Variants in CEP112 observed in about 807,000 individuals in gnomAD.
CEP112 encodes centrosomal protein of 112 kDa.
A neutral mutation model predicts 153.0 loss-of-function variants in CEP112; 127 were observed. The observed-to-expected ratio is 0.83, with a 90% confidence interval of 0.72 to 0.96. The LOEUF is 0.96. Ranked by LOEUF, CEP112 falls within the 40% of genes least tolerant of loss-of-function variation. The pLI is 0.00. For missense variants in CEP112, 1,089 were observed against 1,101.2 expected (o/e 0.99, Z 0.16); for synonymous variants, 358 against 374.4 (o/e 0.96, Z 0.51).
At chr17:66,080,051 A>T (rs2067657351) in intron 8 of CEP112, among the ~76,000 whole-genome samples, 1 of 152,226 alleles carries the variant, frequency 6.6e-6, no homozygotes, top group African/African-American at 2.4e-5. Context: ...AAAACCATAA[A>T]AACCCTAGAA....
intron 21 of CEP112, among the ~76,000 whole-genome samples, chr17:65,783,370 A>G (rs2054102532): frequency 6.6e-6 from 1 of 152,194 alleles, no homozygotes; most frequent in African/African-American, 2.4e-5. Context: ...TGTTGTAGAA[A>G]ACAGTTTGGA....
In CEP112 at chr17:66,163,388, C is replaced by T. The variant is rs147699009; in HGVS notation, c.470+11656G>A. Among the ~76,000 whole-genome samples, 761 of 152,208 alleles carry T rather than the reference C, an allele frequency of 5.0e-3. 8 individuals are homozygous for T. Among genetic ancestry groups the T allele is most frequent in the African/African-American group, 0.017 (720 of 41,524 alleles). ...AGCAGGTAATATTGTTATATACCAT[C>T]TGCAGAACAGTCTTCTTTGGGTATA... On this transcript the variant is annotated intron_variant, in intron 4 of 26. Coordinates refer to ENST00000535342, the MANE Select transcript of CEP112 (RefSeq NM_001199165.4).
At chr17:66,130,819 C>A (rs1413658916) in intron 5 of CEP112, among the ~76,000 whole-genome samples, 4 of 150,046 alleles carry the variant, frequency 2.7e-5, no homozygotes, top group Non-Finnish European at 4.4e-5. Flanking sequence ...TGATTCTTCA[C>A]TTTTTAAAAC....
chr17:65,953,391 T>C (rs183516608), intron 18 of CEP112, among the ~76,000 whole-genome samples: 89 of 152,298 alleles, frequency 5.8e-4, no homozygotes, highest in African/African-American at 2.1e-3. Context: ...GAGACTCACA[T>C]CGTGAACTTT....
intron 23 of CEP112, among the ~76,000 whole-genome samples, chr17:65,690,262 T>C (rs986801136): frequency 5.3e-5 from 8 of 151,596 alleles, no homozygotes; most frequent in Admixed American, 1.3e-4. Context: ...TTTTCTACAA[T>C]TTTTTAAAAT....
chr17:65,937,570 G>A (rs1455495511), intron 18 of CEP112, among the ~76,000 whole-genome samples: 5 of 110,418 alleles, frequency 4.5e-5, no homozygotes, highest in Admixed American at 1.1e-4. Flanking sequence ...GGGAGGTGGG[G>A]GGGGTCAGCC....
rs193171425 is a variant in CEP112 at position 66,109,045 on chromosome 17, T to C, written c.643-12413A>G. The stretch of plus-strand genomic sequence containing the variant: ...GACAAACTTGACATGTTCTCAATTA[T>C]TTGTGGGAGTTAAAAATTAAAACAG... On this transcript the variant is annotated intron_variant, in intron 6 of 26. Coordinates refer to ENST00000535342, the MANE Select transcript of CEP112 (RefSeq NM_001199165.4). 4.2e-3 allele frequency among the ~76,000 whole-genome samples: 642 copies of C among 152,286 alleles called. 13 individuals are homozygous for C. Among genetic ancestry groups the C allele is most frequent in the Admixed American group, 0.037 (562 of 15,288 alleles).
chr17:65,795,558 T>C (rs1288982480), intron 21 of CEP112, among the ~76,000 whole-genome samples: 1 of 152,212 alleles, frequency 6.6e-6, no homozygotes, highest in Non-Finnish European at 1.5e-5. Context: ...ATGCCTGTAA[T>C]TCCAGCAGTT....
chr17:66,068,578 G>T (rs986611665), intron 9 of CEP112, among the ~76,000 whole-genome samples: 6 of 152,106 alleles, frequency 3.9e-5, no homozygotes, highest in African/African-American at 1.4e-4. Flanking sequence ...GTAAACTGAT[G>T]AATATACTTT....
intron 16 of CEP112, among the ~76,000 whole-genome samples, chr17:66,012,560 A>G (rs1188277718): frequency 1.3e-5 from 2 of 152,116 alleles, no homozygotes; most frequent in African/African-American, 4.8e-5. Context: ...TAGGCCCCCA[A>G]TGTCTTCTGA....
At chr17:65,728,483 G>T (rs980091423) in intron 23 of CEP112, among the ~76,000 whole-genome samples, 1 of 152,092 alleles carries the variant, frequency 6.6e-6, no homozygotes, top group Admixed American at 6.6e-5. Context: ...CTGCTTGTTG[G>T]GCTTAGCTAT....
intron 4 of CEP112, among the ~76,000 whole-genome samples, chr17:66,153,325 T>C (rs2071286596): frequency 6.6e-6 from 1 of 152,070 alleles, no homozygotes; most frequent in African/African-American, 2.4e-5. Flanking sequence ...AAATGTGGTA[T>C]ACTCATCAAT....
chr17:66,135,969 T>C (rs1466075863), intron 4 of CEP112, among the ~76,000 whole-genome samples: 1 of 152,146 alleles, frequency 6.6e-6, no homozygotes, highest in Admixed American at 6.5e-5. Flanking sequence ...CTTCTCTCAA[T>C]GGACACATAA....
At chr17:65,921,648 GT>G (rs1339041912) in intron 19 of CEP112, among the ~76,000 whole-genome samples, 1 of 151,880 alleles carries the variant, frequency 6.6e-6, no homozygotes, top group East Asian at 1.9e-4. Context: ...GCTTGTGTGT[GT>G]TTTTACATTC....
intron 22 of CEP112, among the ~76,000 whole-genome samples, chr17:65,744,181 T>C (rs1475410072): frequency 6.6e-6 from 1 of 152,194 alleles, no homozygotes; most frequent in Non-Finnish European, 1.5e-5. Flanking sequence ...GTCAGACCAA[T>C]CACTGCACTA....
intron 24 of CEP112, among the ~76,000 whole-genome samples, chr17:65,641,278 C>G (rs778257993): frequency 1.3e-5 from 2 of 152,168 alleles, no homozygotes; most frequent in Non-Finnish European, 2.9e-5. Context: ...GTCCCTGTAA[C>G]AATGCTTTAT....
intron 11 of CEP112, among the ~76,000 whole-genome samples, chr17:66,056,014 G>A (rs11079638): frequency 0.41 from 62,510 of 152,024 alleles, 14,324 homozygotes; most frequent in East Asian, 0.87. Flanking sequence ...AAGGGCAAAC[G>A]TTCCTTTAAG....
intron 20 of CEP112, among the ~76,000 whole-genome samples, chr17:65,861,816 A>C (rs1290322938): frequency 6.6e-6 from 1 of 152,162 alleles, no homozygotes; most frequent in Non-Finnish European, 1.5e-5. Context: ...ATAAAACCCT[A>C]CTGTAAGTTA....
At chr17:65,687,522 G>A (rs2047871417) in intron 24 of CEP112, among the ~76,000 whole-genome samples, 1 of 151,828 alleles carries the variant, frequency 6.6e-6, no homozygotes, top group Non-Finnish European at 1.5e-5. Context: ...CTATTGTTGG[G>A]TGTATTACAT....
Sources: gnomAD v4.1 joint callset for allele counts (sites outside exome capture counted in the v4.1 genomes callset) on GRCh38, gnomAD v4.1.1 for gene constraint, MANE v1.5 for transcripts, NCBI Gene and HGNC (gene_info 2026-07-23, HGNC 2026-07-21) for gene names.